The following TUSC3 variants were observed in gnomAD, a reference collection of about 807,000 sequenced individuals.
The protein encoded by TUSC3 is tumor suppressor candidate 3.
TUSC3 carries 45 observed loss-of-function variants against 44.8 expected under a neutral mutation model. The ratio of observed to expected loss-of-function variants is 1.00; its 90% CI spans 0.79 to 1.29. The LOEUF is 1.29. TUSC3 is among the 50% of genes most tolerant of loss of function. TUSC3 has a pLI of 0.00. For synonymous variants in TUSC3, 212 were observed against 152.9 expected (o/e 1.39, Z -2.85); for missense variants, 519 against 437.9 (o/e 1.19, Z -1.65).
chr8:15,651,799 G>A (rs1219441343), intron 3 of TUSC3, among the ~76,000 whole-genome samples: 1 of 152,146 alleles, frequency 6.6e-6, no homozygotes, highest in Non-Finnish European at 1.5e-5. Context: ...ATTCTCTATA[G>A]AGCAAGGTAT....
intron 1 of TUSC3, among the ~76,000 whole-genome samples, chr8:15,440,869 C>CCAGATA (rs1800012434): frequency 6.6e-6 from 1 of 152,066 alleles, no homozygotes. Flanking sequence ...AACTGCCTCC[C>CCAGATA]CAGATAGAGA....
At chr8:15,547,452 T>C (rs1252106686) in intron 1 of TUSC3, among the ~76,000 whole-genome samples, 4 of 151,596 alleles carry the variant, frequency 2.6e-5, no homozygotes, top group Non-Finnish European at 5.9e-5. Flanking sequence ...AAATACTAAA[T>C]TGAATGAAAT....
chr8:15,662,523 G>A (rs1563160285), intron 5 of TUSC3, among the ~76,000 whole-genome samples: 3 of 151,870 alleles, frequency 2.0e-5, no homozygotes, highest in Admixed American at 6.6e-5. Context: ...CTTGGCACAA[G>A]TGCTAGATAA....
intron 2 of TUSC3, among the ~76,000 whole-genome samples, chr8:15,514,282 A>G (rs1442688148): frequency 6.6e-6 from 1 of 152,212 alleles, no homozygotes; most frequent in East Asian, 1.9e-4. Context: ...TAGATGTTTT[A>G]TTTCAAAATA....
intron 2 of TUSC3, among the ~76,000 whole-genome samples, chr8:15,495,034 C>A (rs1021860938): frequency 6.6e-6 from 1 of 152,164 alleles, no homozygotes; most frequent in African/African-American, 2.4e-5. Context: ...ATGAGTTTGC[C>A]TAGGATAATA....
chr8:15,501,198 T>A, intron 2 of TUSC3, among the ~76,000 whole-genome samples: 1 of 152,208 alleles, frequency 6.6e-6, no homozygotes, highest in East Asian at 1.9e-4. Flanking sequence ...AACATGTTTT[T>A]CCCTTTTGAG....
chr8:15,464,425 G>A (rs1327631992), intron 1 of TUSC3, among the ~76,000 whole-genome samples: 1 of 152,124 alleles, frequency 6.6e-6, no homozygotes, highest in Non-Finnish European at 1.5e-5. Flanking sequence ...TCCCTATTAT[G>A]TGCCAAGCAA....
intron 7 of TUSC3, among the ~76,000 whole-genome samples, chr8:15,742,326 C>T (rs950971511): frequency 1.4e-5 from 2 of 147,612 alleles, no homozygotes; most frequent in East Asian, 2.0e-4. Context: ...AAAACAAATA[C>T]AATAGTTTGA....
intron 1 of TUSC3, among the ~76,000 whole-genome samples, chr8:15,467,727 T>C (rs980212367): frequency 6.6e-6 from 1 of 152,194 alleles, no homozygotes. Context: ...GACCATCTAA[T>C]GTTCTTGGAT....
intron 3 of TUSC3, among the ~76,000 whole-genome samples, chr8:15,654,476 G>A (rs1391068471): frequency 6.6e-6 from 1 of 152,114 alleles, no homozygotes; most frequent in African/African-American, 2.4e-5. Context: ...TTTTATATAT[G>A]TTATATATAC....
intron 1 of TUSC3, among the ~76,000 whole-genome samples, chr8:15,545,078 T>C (rs774113440): frequency 4.6e-5 from 7 of 151,870 alleles, no homozygotes; most frequent in South Asian, 2.1e-4. Flanking sequence ...GTAGGTGTTA[T>C]ATTTTAAAAC....
intron 7 of TUSC3, among the ~76,000 whole-genome samples, chr8:15,738,980 G>A (rs535602884): frequency 2.0e-5 from 3 of 151,246 alleles, no homozygotes; most frequent in Admixed American, 1.3e-4. Context: ...CCACAGGCAC[G>A]CGCCACCATG....
the TUSC3 span, among the ~76,000 whole-genome samples, chr8:15,808,487 T>C: frequency 1.3e-5 from 2 of 152,106 alleles, no homozygotes; most frequent in Non-Finnish European, 2.9e-5. Context: ...TCTCTCAATA[T>C]ATATCTCTTG....
chr8:15,538,396 T>TCC (rs1801559778), upstream of TUSC3, among the ~76,000 whole-genome samples: 1 of 152,212 alleles, frequency 6.6e-6, no homozygotes, highest in Admixed American at 6.5e-5. Flanking sequence ...GGCAAAATGT[T>TCC]CACATAATAG....
At chr8:15,824,547 G>A in the TUSC3 span, among the ~76,000 whole-genome samples, 10 of 149,496 alleles carry the variant, frequency 6.7e-5, no homozygotes, top group Middle Eastern at 3.5e-3. Flanking sequence ...TCATAGGTGG[G>A]AACTGAACAA....
At chr8:15,719,381 A>G (rs1810202266) in intron 6 of TUSC3, among the ~76,000 whole-genome samples, 1 of 151,474 alleles carries the variant, frequency 6.6e-6, no homozygotes, top group Admixed American at 6.6e-5. Flanking sequence ...GTTTATCCTG[A>G]CCTTCTTCCT....
chr8:15,751,681 G>GCCAAGT (rs149764421), intron 9 of TUSC3, among the ~76,000 whole-genome samples: 1 of 151,588 alleles, frequency 6.6e-6, no homozygotes, highest in Non-Finnish European at 1.5e-5. Flanking sequence ...CAAATACAAT[G>GCCAAGT]ACAAGTACCT....
chr8:15,651,884 C>T (rs1354126607), intron 3 of TUSC3, among the ~76,000 whole-genome samples: 7 of 152,142 alleles, frequency 4.6e-5, no homozygotes, highest in Admixed American at 4.6e-4. Flanking sequence ...ACATCGAGAG[C>T]TTATGTCCAG....
At chr8:15,490,056 G>A (rs1434478526) in intron 2 of TUSC3, among the ~76,000 whole-genome samples, 1 of 152,060 alleles carries the variant, frequency 6.6e-6, no homozygotes, top group East Asian at 1.9e-4. Context: ...TCAAGAACAT[G>A]GTGTCCTTAA....
Sources: gnomAD v4.1 joint callset for allele counts (sites outside exome capture counted in the v4.1 genomes callset) on GRCh38, gnomAD v4.1.1 for gene constraint, MANE v1.5 for transcripts, NCBI Gene and HGNC (gene_info 2026-07-23, HGNC 2026-07-21) for gene names.